LAMA2: variants seen among roughly 807,000 people sequenced by gnomAD.
The protein encoded by LAMA2 is laminin subunit alpha 2, also known as laminin subunit alpha-2.
In LAMA2, 269 loss-of-function variants were observed where a neutral mutation model predicts 364.8. The ratio of observed to expected loss-of-function variants is 0.74; its 90% CI spans 0.67 to 0.82. The LOEUF (loss-of-function observed/expected upper bound fraction) is 0.82, where lower values mean the gene tolerates loss of function less well. Among genes scored for constraint, LAMA2 ranks in the 40% least tolerant of loss-of-function variants. The pLI, the probability that LAMA2 is intolerant of heterozygous loss-of-function variation, is 0.00. For missense variants in LAMA2, 3,807 were observed against 3,873.2 expected, an observed-to-expected ratio of 0.98 and a Z score of 0.45; for synonymous variants, 1,379 against 1,370.6, an observed-to-expected ratio of 1.01 and a Z score of -0.14.
At chr6:129,471,147 G>GAACTC (rs1205631871) in intron 51 of LAMA2, among the ~76,000 whole-genome samples, 2 of 151,760 alleles carry the variant, frequency 1.3e-5, no homozygotes, top group Non-Finnish European at 2.9e-5. Flanking sequence ...AATCACATCT[G>GAACTC]AACTCATCAA....
At position 129,492,097 on chromosome 6, in the gene LAMA2, AC is replaced by A; in HGVS notation, c.8075+21del. 6.2e-7 allele frequency: 1 copy of A among 1,600,764 alleles called. No individual in the cohort carries two copies. Among genetic ancestry groups the A allele is most frequent in the Non-Finnish European group, 8.6e-7 (1 of 1,167,990 alleles). ...CTCTGTGTAAGTGGATCTCCTCATT[AC>A]TACTACTAATTTTTTATTTTTATTT... On this transcript the variant is annotated intron_variant, in intron 57 of 64. Transcript: ENST00000421865.
chr6:129,366,803 C>T (rs1777803061), intron 33 of LAMA2, among the ~76,000 whole-genome samples: 2 of 152,172 alleles, frequency 1.3e-5, no homozygotes, highest in Admixed American at 6.5e-5. Context: ...CACAGTTCTT[C>T]CACCAGAGAT....
At chr6:129,188,663 A>T (rs1781366150) in intron 10 of LAMA2, among the ~76,000 whole-genome samples, 1 of 151,948 alleles carries the variant, frequency 6.6e-6, no homozygotes, top group African/African-American at 2.4e-5. Flanking sequence ...AATGTCTGAA[A>T]TCTGCCTTAA....
At chr6:129,158,239 C>T (rs1779240348) in intron 8 of LAMA2, 2 of 1,614,094 alleles carry the variant, frequency 1.2e-6, no homozygotes, top group African/African-American at 1.3e-5. Context: ...CCTTTAATAT[C>T]TGCCGCTATG....
In LAMA2 at chr6:128,929,786, T is replaced by G. The variant is rs1779339291; in HGVS notation, c.112+46429T>G. 5 of 1,062,644 alleles carry G rather than the reference T, an allele frequency of 4.7e-6. No individual in the cohort carries two copies. In the Admixed American group the frequency reaches 6.8e-5, roughly 14 times the overall value. The allele number at this position is 1,062,644 out of a possible 1,614,324, so 65.8% of individuals were successfully genotyped here. ...AACGTGTAAAACCACAACTGTCTCC[T>G]GACTTCCAACCACACCCACAGAGTC... On this transcript the variant is annotated intron_variant, in intron 1 of 64. Transcript: ENST00000421865.
intron 4 of LAMA2, among the ~76,000 whole-genome samples, chr6:129,118,595 C>A (rs1438250298): frequency 6.6e-6 from 1 of 152,168 alleles, no homozygotes; most frequent in East Asian, 1.9e-4. Context: ...CTTGGAAAGA[C>A]AAGTAGCTTA....
At chr6:129,123,307 A>G (rs9482988) in intron 4 of LAMA2, among the ~76,000 whole-genome samples, 40,056 of 145,772 alleles carry the variant, frequency 0.27, 6,479 homozygotes, top group African/African-American at 0.49. Flanking sequence ...CTCTGTCTCA[A>G]AAAAAAAAAA....
Position 129,098,238 on chromosome 6 carries a change from G to A in LAMA2, c.462G>A (p.Leu154=). The A allele has an allele frequency of 6.2e-7, 1 of 1,614,094 alleles. No homozygotes were observed. Among genetic ancestry groups the A allele is most frequent in the South Asian group, 1.1e-5 (1 of 91,062 alleles). ...ANSPRPGNWI[L]ERSLDDVEYK... ...CCCCCCGGCCTGGAAACTGGATTTT[G>A]GAACGCTCTCTTGATGATGTTGAAT... is the stretch of plus-strand genomic sequence containing the variant. The change falls in exon 4 of 65, where the codon TTG becomes TTA. Residue 154 remains leucine, a synonymous_variant. Coordinates refer to ENST00000421865, the MANE Select transcript of LAMA2 (RefSeq NM_000426.4).
intron 1 of LAMA2, among the ~76,000 whole-genome samples, chr6:128,922,919 C>A (rs1426488802): frequency 6.6e-6 from 1 of 151,746 alleles, no homozygotes; most frequent in Non-Finnish European, 1.5e-5. Context: ...TTTCAGCTTT[C>A]TACATATGGC....
rs970538332 is a variant in LAMA2 at position 128,895,577 on chromosome 6, G to T, written c.112+12220G>T. Among the ~76,000 whole-genome samples, 8 of 152,082 alleles carry T rather than the reference G, an allele frequency of 5.3e-5. No homozygotes were observed. The East Asian group carries it at 1.5e-3, about 29-fold the overall frequency. On this transcript the variant is annotated intron_variant, in intron 1 of 64. Transcript: ENST00000421865. ...GCAGGAGAATGGCGTGAATCCGGGA[G>T]GAGGAGCTTGCAGTGAGCCGAGATT...
Position 129,403,915 on chromosome 6 carries a change from G to T in LAMA2, c.5821G>T (p.Val1941Phe). The T allele has an allele frequency of 3.7e-6, 6 of 1,613,958 alleles. No individual in the cohort carries two copies. The highest frequency in any genetic ancestry group is 5.1e-6 in the Non-Finnish European group (6 of 1,179,880). ...GGACTATATTGATGAAGCTGAGAAA[G>T]TTGCCAAAGAAGCCAAAGATCTTGC... ...IKDYIDEAEK[V>F]AKEAKDLAHE... Residue 1941 changes from valine (V) to phenylalanine (F), a missense_variant, in exon 40 of 65, where the codon GTT (valine) becomes TTT (phenylalanine). Val to Phe is a conservative substitution (Grantham distance 50). Around this residue, in one of 3 missense-constraint regions of LAMA2, gnomAD observed 3,333 missense variants for 3,345.7 expected, o/e 1.00. Transcript: ENST00000421865.
intron 1 of LAMA2, among the ~76,000 whole-genome samples, chr6:129,023,323 A>G (rs968479433): frequency 6.6e-6 from 1 of 152,084 alleles, no homozygotes; most frequent in African/African-American, 2.4e-5. Flanking sequence ...CTCTTCCACC[A>G]TTTTAGGTTT....
chr6:129,405,629 A>G (rs935010099), intron 40 of LAMA2, among the ~76,000 whole-genome samples: 8 of 152,176 alleles, frequency 5.3e-5, no homozygotes, highest in African/African-American at 1.7e-4. Flanking sequence ...TTAAATGACT[A>G]TTGGATAAGA....
At chr6:129,106,185 C>T in intron 4 of LAMA2, among the ~76,000 whole-genome samples, 1 of 150,106 alleles carries the variant, frequency 6.7e-6, no homozygotes. Flanking sequence ...GTATGTAGAG[C>T]TTTGATATTA....
chr6:129,325,553 C>A (rs1457042697), intron 28 of LAMA2, among the ~76,000 whole-genome samples: 1 of 150,070 alleles, frequency 6.7e-6, no homozygotes, highest in Non-Finnish European at 1.5e-5. Flanking sequence ...TTAAAAAAAA[C>A]AGCACGTTTT....
chr6:128,992,886 A>G (rs757626938), intron 1 of LAMA2, among the ~76,000 whole-genome samples: 9 of 152,230 alleles, frequency 5.9e-5, no homozygotes, highest in Non-Finnish European at 1.0e-4. Flanking sequence ...AGCTATAACT[A>G]AAGTTAAGAC....
chr6:129,381,351 C>CT (rs958544647), intron 34 of LAMA2, among the ~76,000 whole-genome samples: 45 of 149,656 alleles, frequency 3.0e-4, no homozygotes, highest in East Asian at 2.0e-3. Context: ...CTTTTCTTTT[C>CT]TTTTTTTTTG....
chr6:129,330,826 G>C (rs571511880), intron 29 of LAMA2, among the ~76,000 whole-genome samples: 1 of 151,604 alleles, frequency 6.6e-6, no homozygotes, highest in East Asian at 1.9e-4. Flanking sequence ...TTACTCAAGT[G>C]AACTCCAACA....
At chr6:129,474,991 G>A (rs534361655) in intron 52 of LAMA2, among the ~76,000 whole-genome samples, 3 of 151,984 alleles carry the variant, frequency 2.0e-5, no homozygotes, top group Non-Finnish European at 2.9e-5. Context: ...CAAAAGATGT[G>A]GTAAACATAA....
Sources: gnomAD v4.1 joint callset for allele counts (sites outside exome capture counted in the v4.1 genomes callset) on GRCh38, gnomAD v4.1.1 for gene constraint, gnomAD v4.1.1 regional missense constraint, MANE v1.5 for transcripts, NCBI Gene and HGNC (gene_info 2026-07-23, HGNC 2026-07-21) for gene names.